The following GEMIN5 variants were observed in gnomAD, a reference collection of about 807,000 sequenced individuals.
GEMIN5 encodes the protein gem-associated protein 5.
In GEMIN5, 124 loss-of-function variants were observed where a neutral mutation model predicts 176.9. The observed-to-expected ratio is 0.70, with a 90% CI of 0.61 to 0.81. GEMIN5 has a LOEUF of 0.81. Among genes scored for constraint, GEMIN5 ranks in the 40% least tolerant of loss-of-function variants. The pLI, the probability that GEMIN5 is intolerant of heterozygous loss-of-function variation, is 0.00. For synonymous variants in GEMIN5, 673 were observed against 665.2 expected, an observed-to-expected ratio of 1.01 and a Z score of -0.18; for missense variants, 1,843 against 1,814.6, an observed-to-expected ratio of 1.02 and a Z score of -0.28.
intron 24 of GEMIN5, among the ~76,000 whole-genome samples, chr5:154,893,448 C>T (rs897951871): frequency 6.6e-6 from 1 of 151,072 alleles, no homozygotes; most frequent in African/African-American, 2.4e-5. Context: ...CCACCAAAAA[C>T]AAAACAAAAC....
In GEMIN5 at chr5:154,938,179, T is replaced by C. The variant is rs762837869; in HGVS notation, c.-46A>G. On this transcript the variant is annotated 5_prime_UTR_variant, in exon 1 of 28. Transcript: ENST00000285873. Reference sequence around the variant, plus strand: ...AAGAGAAGCTGCCACAGCCGACCGCTCGTAGCCTCACGCCTTAGGTAGGGA... The same window carrying C: ...AAGAGAAGCTGCCACAGCCGACCGCCCGTAGCCTCACGCCTTAGGTAGGGA... 7.6e-6 allele frequency: 10 copies of C among 1,312,612 alleles called. No homozygotes were observed. Among genetic ancestry groups the C allele is most frequent in the South Asian group, 4.6e-5 (2 of 43,752 alleles). 81.3% of individuals were successfully genotyped at this position (1,312,612 alleles called of 1,614,324 possible).
rs755664358 is a variant in GEMIN5, at chr5:154,919,920, G to T, written c.1599+47C>A. The T allele has an allele frequency of 9.1e-6, 14 of 1,534,548 alleles. No homozygotes were observed. The African/African-American group carries it at 1.4e-4, about 15-fold the overall frequency. On this transcript the variant is annotated intron_variant, in intron 11 of 27. Coordinates refer to ENST00000285873, the MANE Select transcript of GEMIN5 (RefSeq NM_015465.5). ...ATTTTGCAAGATGGGAAACACAGAG[G>T]GATCTGTGATGTAAAAAGAAAATAC... is the stretch of plus-strand genomic sequence containing the variant.
chr5:154,920,300 CTACTAT>C (rs1241719117), intron 10 of GEMIN5, among the ~76,000 whole-genome samples, 197 bp from the exon 11 acceptor site: 5 of 152,176 alleles, frequency 3.3e-5, no homozygotes, highest in Non-Finnish European at 5.9e-5. Flanking sequence ...AAAAACTATA[CTACTAT>C]AATTCTAGGT....
rs1764181502 is a variant in GEMIN5 at position 154,932,118 on chromosome 5, T to C, written c.642A>G (p.Ile214Met). ...CPLPGEDCLS[I>M]NQEETSEEAE... ...CTCTACCTGAAGTTTCCTCTTGGTT[T>C]ATAGATAAACAATCTTCACCAGGCA... The change falls in exon 4 of 28, where the codon ATA becomes ATG. Residue 214 changes from isoleucine (I) to methionine (M), a missense_variant. By Grantham distance (10) the Ile-to-Met change is conservative. Coordinates refer to ENST00000285873, the MANE Select transcript of GEMIN5 (RefSeq NM_015465.5). The C allele has an allele frequency of 4.3e-6, 7 of 1,613,628 alleles. No homozygotes were observed. Among genetic ancestry groups the C allele is most frequent in the Non-Finnish European group, 5.9e-6 (7 of 1,179,748 alleles).
chr5:154,901,393 G>C lies in GEMIN5; in HGVS notation c.2960C>G (p.Ser987Cys), dbSNP rs1213730387. The change falls in exon 21 of 28, where the codon TCC becomes TGC. Residue 987 changes from serine to cysteine, a missense_variant. Coordinates refer to ENST00000285873, the MANE Select transcript of GEMIN5 (RefSeq NM_015465.5). ...QYVKAASHLL[S>C]IHKVYEAVEL... is the part of the protein sequence containing the mutation. ...CACCGCTTCATACACTTTGTGGATG[G>C]AAAGTAGGTGAGAAGCAGCCTTGAC... 2 of 1,613,740 alleles carry C rather than the reference G, an allele frequency of 1.2e-6. No individual in the cohort carries two copies. Among genetic ancestry groups the C allele is most frequent in the East Asian group, 4.5e-5 (2 of 44,892 alleles).
In GEMIN5 at chr5:154,892,886, C is replaced by G. The variant is rs1582648547; in HGVS notation, c.3598-337G>C. 2.0e-5 allele frequency among the ~76,000 whole-genome samples: 3 copies of G among 152,176 alleles called. No homozygotes were observed. The South Asian group carries it at 6.2e-4, about 32-fold the overall frequency. ...GGCCAAGGTGGGCAGATCACAAGGT[C>G]AGGAGTTCAAGACCAGCCTGGCCAA... is the stretch of plus-strand genomic sequence containing the variant. On this transcript the variant is annotated intron_variant, in intron 24 of 27. Transcript: ENST00000285873.
At chr5:154,924,820 T>A (rs1434772662) in intron 8 of GEMIN5, among the ~76,000 whole-genome samples, 2 of 151,898 alleles carry the variant, frequency 1.3e-5, no homozygotes, top group African/African-American at 2.4e-5. Flanking sequence ...AAACCCTGCC[T>A]CTACTAAAAA....
rs114146651 is a variant in GEMIN5 at position 154,932,123 on chromosome 5, A to G, written c.637T>C (p.Ser213Pro). 3 of 1,613,770 alleles carry G rather than the reference A, an allele frequency of 1.9e-6. No homozygotes were observed. The African/African-American group carries it at 4.0e-5, about 22-fold the overall frequency. ...WCPLPGEDCL[S>P]INQEETSEEA... Reference sequence around the variant, plus strand: ...CCTGAAGTTTCCTCTTGGTTTATAGATAAACAATCTTCACCAGGCAGGGGA... The same window carrying G: ...CCTGAAGTTTCCTCTTGGTTTATAGGTAAACAATCTTCACCAGGCAGGGGA... The change falls in exon 4 of 28, where the codon TCT (serine) becomes CCT (proline). Residue 213 changes from serine to proline, a missense_variant. Coordinates refer to ENST00000285873, the MANE Select transcript of GEMIN5 (RefSeq NM_015465.5).
At chr5:154,910,847 C>T (rs944316711) in intron 15 of GEMIN5, among the ~76,000 whole-genome samples, 2 of 152,120 alleles carry the variant, frequency 1.3e-5, no homozygotes, top group Admixed American at 6.5e-5. Context: ...TACAGGCACC[C>T]GCCAACACGC....
intron 24 of GEMIN5, among the ~76,000 whole-genome samples, chr5:154,895,541 C>G (rs1763330824): frequency 6.6e-6 from 1 of 152,092 alleles, no homozygotes. Context: ...AGGAAAGGAA[C>G]AAGAAGGACT....
chr5:154,898,370 T>C, intron 23 of GEMIN5, 70 bp downstream of exon 23: 1 of 1,389,142 alleles, frequency 7.2e-7, no homozygotes, highest in East Asian at 2.3e-5. Context: ...GGTTATTAAC[T>C]TGGATTTGAC....
chr5:154,889,040 C>T (rs1243023314), intron 27 of GEMIN5, among the ~76,000 whole-genome samples: 1 of 152,006 alleles, frequency 6.6e-6, no homozygotes, highest in Non-Finnish European at 1.5e-5. Context: ...CCACGCCCGG[C>T]TAATATTTTG....
chr5:154,927,653 C>A, intron 6 of GEMIN5, 103 bp from the exon 7 acceptor site: 1 of 847,208 alleles, frequency 1.2e-6, no homozygotes, highest in South Asian at 2.0e-5. Flanking sequence ...GATTTGTTGT[C>A]GTTTAAGGAG....
In GEMIN5 at chr5:154,937,966, A is replaced by C; in HGVS notation, c.166+2T>G. On this transcript the variant is annotated splice_donor_variant, in intron 1 of 27. Transcript: ENST00000285873. LOFTEE classifies it high-confidence loss of function. ...GTCTCGGGCCCAAGGGTGGTGAGTT[A>C]CCTCGAAACGGGGGTGTCCCTGGAC... 1 of 1,571,870 alleles carries C rather than the reference A, an allele frequency of 6.4e-7. No homozygotes were observed. Among genetic ancestry groups the C allele is most frequent in the Admixed American group, 1.8e-5 (1 of 54,932 alleles).
intron 5 of GEMIN5, among the ~76,000 whole-genome samples, chr5:154,929,903 T>C (rs933151742): frequency 1.3e-5 from 2 of 152,250 alleles, no homozygotes; most frequent in East Asian, 1.9e-4. Context: ...TCCATGCTCA[T>C]AGCATATTAT....
intron 11 of GEMIN5, among the ~76,000 whole-genome samples, chr5:154,918,644 T>C (rs1328635926): frequency 6.6e-6 from 1 of 152,224 alleles, no homozygotes; most frequent in Admixed American, 6.5e-5. Context: ...TGTTAATGTT[T>C]AGATAAAATT....
At chr5:154,929,517 C>T (rs144650408) in intron 5 of GEMIN5, among the ~76,000 whole-genome samples, 11 of 152,276 alleles carry the variant, frequency 7.2e-5, no homozygotes, top group African/African-American at 2.4e-4. Context: ...AAAATACATA[C>T]GCCAGGGCCT....
intron 9 of GEMIN5, among the ~76,000 whole-genome samples, chr5:154,923,951 A>G (rs143778467): frequency 6.6e-6 from 1 of 152,374 alleles, no homozygotes; most frequent in Non-Finnish European, 1.5e-5. Flanking sequence ...GATGAACTGT[A>G]TATGTAACCT....
At chr5:154,929,294 A>G (rs770669931) in intron 5 of GEMIN5, among the ~76,000 whole-genome samples, 7 of 152,216 alleles carry the variant, frequency 4.6e-5, no homozygotes, top group Non-Finnish European at 1.0e-4. Context: ...AGCTAGTAAC[A>G]CAGCTGAGTT....
Sources: gnomAD v4.1 joint callset for allele counts (sites outside exome capture counted in the v4.1 genomes callset) on GRCh38, gnomAD v4.1.1 for gene constraint, MANE v1.5 for transcripts, NCBI Gene and HGNC (gene_info 2026-07-23, HGNC 2026-07-21) for gene names.